Variants in RAB11FIP2 observed in about 807,000 individuals in gnomAD.
The protein encoded by RAB11FIP2 is RAB11 family interacting protein 2, also known as rab11 family-interacting protein 2.
A neutral mutation model predicts 40.9 loss-of-function variants in RAB11FIP2; 16 were observed. The ratio of observed to expected loss-of-function variants is 0.39; its 90% CI spans 0.26 to 0.59. RAB11FIP2 has a LOEUF of 0.59. Ranked by LOEUF, RAB11FIP2 falls within the 20% of genes least tolerant of loss-of-function variation. The probability of loss-of-function intolerance (pLI) is 0.53; values close to 1 mark genes in which losing one functional copy is unlikely to be tolerated. For synonymous variants in RAB11FIP2, 228 were observed against 213.7 expected, an observed-to-expected ratio of 1.07 and a Z score of -0.58; for missense variants, 532 against 606.2, an observed-to-expected ratio of 0.88 and a Z score of 1.28.
chr10:118,027,841 G>T (rs7894894), intron 3 of RAB11FIP2, among the ~76,000 whole-genome samples: 19 of 151,950 alleles, frequency 1.3e-4, no homozygotes, highest in Admixed American at 1.0e-3. Flanking sequence ...CTTTATTGCC[G>T]TTTACTAAAA....
chr10:118,022,193 T>G (rs546810200), intron 3 of RAB11FIP2, among the ~76,000 whole-genome samples: 1 of 152,318 alleles, frequency 6.6e-6, no homozygotes, highest in East Asian at 1.9e-4. Context: ...GTTCTCACCA[T>G]TCAGCCTCTG....
At chr10:118,016,688 T>A (rs1048735724) in intron 3 of RAB11FIP2, among the ~76,000 whole-genome samples, 1 of 152,110 alleles carries the variant, frequency 6.6e-6, no homozygotes, top group Admixed American at 6.5e-5. Context: ...CAAAATGATA[T>A]ACACTCAGGC....
rs991702109 is a variant in RAB11FIP2, at chr10:118,045,834, C to A, written c.330G>T (p.Glu110Asp). The A allele has an allele frequency of 6.2e-7, 1 of 1,608,802 alleles. No homozygotes were observed. Among genetic ancestry groups the A allele is most frequent in the Non-Finnish European group, 8.5e-7 (1 of 1,177,410 alleles). ...QVAINLNDIF[E>D]DKQRRKTEWF... ...ACTCTGTTTTCCTTCTTTGTTTGTC[C>A]TCAAAGATGTCATTGAGATTGATTG... Residue 110 changes from glutamate to aspartate, a missense_variant, in exon 1 of 5, where the codon GAG (glutamate) becomes GAT (aspartate). Transcript: ENST00000355624.
chr10:118,030,603 T>C (rs1329031774), intron 3 of RAB11FIP2, among the ~76,000 whole-genome samples: 1 of 152,150 alleles, frequency 6.6e-6, no homozygotes, highest in Non-Finnish European at 1.5e-5. Flanking sequence ...TTGAGAAATT[T>C]TCACATCAGT....
chr10:118,025,723 G>A (rs1316978852), intron 3 of RAB11FIP2, among the ~76,000 whole-genome samples: 1 of 152,076 alleles, frequency 6.6e-6, no homozygotes, highest in Non-Finnish European at 1.5e-5. Flanking sequence ...AACAGTTTTA[G>A]GCAGGTTAGG....
intron 3 of RAB11FIP2, among the ~76,000 whole-genome samples, chr10:118,016,103 T>A (rs1846216459): frequency 6.6e-6 from 1 of 152,194 alleles, no homozygotes; most frequent in Admixed American, 6.5e-5. Context: ...CGTGTACAAA[T>A]CCTACGCTCT....
At chr10:118,023,694 T>C (rs1846308075) in intron 3 of RAB11FIP2, among the ~76,000 whole-genome samples, 2 of 152,144 alleles carry the variant, frequency 1.3e-5, no homozygotes. Flanking sequence ...TAATAATGAA[T>C]ATGTTGTTGG....
intron 3 of RAB11FIP2, among the ~76,000 whole-genome samples, chr10:118,037,566 A>G (rs902561715): frequency 1.3e-5 from 2 of 151,994 alleles, no homozygotes; most frequent in Non-Finnish European, 2.9e-5. Context: ...TGGATTCCCT[A>G]TTTGGGGCCT....
intron 3 of RAB11FIP2, among the ~76,000 whole-genome samples, chr10:118,020,705 TC>T (rs1480369475): frequency 6.6e-6 from 1 of 152,244 alleles, no homozygotes; most frequent in Non-Finnish European, 1.5e-5. Context: ...GCTGTACTAT[TC>T]CTTCTTGATG....
At chr10:118,042,566 A>G (rs926245237) in intron 1 of RAB11FIP2, among the ~76,000 whole-genome samples, 104 of 152,340 alleles carry the variant, frequency 6.8e-4, no homozygotes, top group African/African-American at 2.4e-3. Flanking sequence ...ATAAGGAGAC[A>G]TGAGAGCTGA....
At chr10:118,035,145 C>T (rs1846465401) in intron 3 of RAB11FIP2, among the ~76,000 whole-genome samples, 1 of 152,104 alleles carries the variant, frequency 6.6e-6, no homozygotes, top group African/African-American at 2.4e-5. Flanking sequence ...AAGGAAGAAG[C>T]CTGCTTCCTG....
chr10:118,015,823 A>C (rs1236085204), intron 3 of RAB11FIP2, among the ~76,000 whole-genome samples: 1 of 152,220 alleles, frequency 6.6e-6, no homozygotes, highest in Non-Finnish European at 1.5e-5. Flanking sequence ...TGATGAGTAA[A>C]TATTTCATCG....
At chr10:118,013,237 G>C (rs960584031) in intron 4 of RAB11FIP2, among the ~76,000 whole-genome samples, 4 of 151,932 alleles carry the variant, frequency 2.6e-5, no homozygotes, top group African/African-American at 9.7e-5. Context: ...AAAAATGAAG[G>C]CTTGGCATTC....
intron 1 of RAB11FIP2, among the ~76,000 whole-genome samples, chr10:118,044,195 T>C (rs1420179850): frequency 6.6e-6 from 1 of 152,186 alleles, no homozygotes; most frequent in Non-Finnish European, 1.5e-5. Context: ...AAAAGGTTAT[T>C]TCATCCTCAG....
At chr10:118,038,938 C>A in intron 3 of RAB11FIP2, 34 bp downstream of exon 3, 2 of 1,411,596 alleles carry the variant, frequency 1.4e-6, no homozygotes, top group South Asian at 1.4e-5. Context: ...CAAGATTTTC[C>A]CAAATAGTAG....
At chr10:118,013,461 C>T (rs944923291) in intron 4 of RAB11FIP2, among the ~76,000 whole-genome samples, 5 of 152,052 alleles carry the variant, frequency 3.3e-5, no homozygotes, top group African/African-American at 1.2e-4. Flanking sequence ...GACATACAAA[C>T]TTAATTACAA....
Position 118,044,981 on chromosome 10 carries a change from G to A in RAB11FIP2, c.353+830C>T, listed in dbSNP as rs548640007. On this transcript the variant is annotated intron_variant, in intron 1 of 4. Coordinates refer to ENST00000355624, the MANE Select transcript of RAB11FIP2 (RefSeq NM_014904.3). Reference sequence around the variant, plus strand: ...AAAAACATATTTTTTTTCAATTTAAGACACAATATCCTAGTGTTAATTTAT... The same window carrying A: ...AAAAACATATTTTTTTTCAATTTAAAACACAATATCCTAGTGTTAATTTAT... Among the ~76,000 whole-genome samples, 6 of 151,946 alleles carry A rather than the reference G, an allele frequency of 3.9e-5. No individual in the cohort carries two copies. The South Asian group carries it at 1.2e-3, about 31-fold the overall frequency.
At chr10:118,015,143 A>C (rs1846202708) in intron 3 of RAB11FIP2, 33 bp from the exon 4 acceptor site, 1 of 1,561,584 alleles carries the variant, frequency 6.4e-7, no homozygotes, top group Non-Finnish European at 8.8e-7. Context: ...TAAAAGTGTC[A>C]TAACTCATGT....
intron 3 of RAB11FIP2, chr10:118,033,962 C>T (rs1296153459): frequency 1.4e-6 from 1 of 701,754 alleles, no homozygotes; most frequent in Admixed American, 2.0e-5. Context: ...CATGCAGAGA[C>T]CCAGGCTGCT....
Sources: allele counts gnomAD v4.1 joint callset (sites outside exome capture counted in the v4.1 genomes callset), GRCh38; gene constraint gnomAD v4.1.1; transcripts MANE v1.5; gene names NCBI Gene and HGNC (gene_info 2026-07-23, HGNC 2026-07-21).